The following ARMH4 variants were observed in gnomAD, a reference collection of about 807,000 sequenced individuals.
ARMH4 encodes the protein armadillo-like helical domain-containing protein 4.
ARMH4 carries 49 observed loss-of-function variants against 61.9 expected under a neutral mutation model. The observed-to-expected ratio is 0.79, with a 90% CI of 0.63 to 1.00. The LOEUF is 1.00. Among genes scored for constraint, ARMH4 ranks in the 50% least tolerant of loss-of-function variants. ARMH4 has a pLI of 0.00. For synonymous variants in ARMH4, 368 were observed against 341.5 expected (o/e 1.08, Z -0.85); for missense variants, 934 against 930.0 (o/e 1.00, Z -0.06).
chr14:58,055,861 G>A (rs1221758892), intron 5 of ARMH4, among the ~76,000 whole-genome samples: 1 of 152,198 alleles, frequency 6.6e-6, no homozygotes, highest in Non-Finnish European at 1.5e-5. Flanking sequence ...TTAATACACT[G>A]TTTTAAAGTG....
chr14:58,028,871 C>A (rs1883113286), intron 5 of ARMH4, among the ~76,000 whole-genome samples: 1 of 152,174 alleles, frequency 6.6e-6, no homozygotes, highest in African/African-American at 2.4e-5. Flanking sequence ...AACCAGAAAT[C>A]CAGGCTCAAC....
chr14:58,145,960 T>A (rs753955850), intron 1 of ARMH4, among the ~76,000 whole-genome samples: 4 of 152,250 alleles, frequency 2.6e-5, no homozygotes, highest in Non-Finnish European at 4.4e-5. Flanking sequence ...CCAGTATAGG[T>A]TCATGTAGTC....
chr14:58,097,709 TA>T (rs1885804458), intron 4 of ARMH4, among the ~76,000 whole-genome samples: 1 of 151,522 alleles, frequency 6.6e-6, no homozygotes, highest in Non-Finnish European at 1.5e-5. Context: ...TTTATTTATT[TA>T]TTTATTTATT....
intron 4 of ARMH4, among the ~76,000 whole-genome samples, chr14:58,124,291 T>C (rs919768112): frequency 1.4e-4 from 22 of 152,182 alleles, no homozygotes; most frequent in Admixed American, 6.5e-5. Context: ...TTTCTTTATA[T>C]GTCATAGAAA....
At chr14:58,052,081 C>T (rs757518628) in intron 5 of ARMH4, among the ~76,000 whole-genome samples, 10 of 152,128 alleles carry the variant, frequency 6.6e-5, no homozygotes, top group Admixed American at 4.6e-4. Flanking sequence ...CATCTCCCAA[C>T]CAGATTAGGC....
chr14:58,067,272 A>C (rs1884734394), intron 5 of ARMH4, among the ~76,000 whole-genome samples: 1 of 152,204 alleles, frequency 6.6e-6, no homozygotes, highest in Admixed American at 6.5e-5. Context: ...ATGTATTGAG[A>C]GTCTGTTACA....
At chr14:58,121,339 C>T (rs947431573) in intron 4 of ARMH4, among the ~76,000 whole-genome samples, 3 of 151,890 alleles carry the variant, frequency 2.0e-5, no homozygotes, top group Admixed American at 1.3e-4. Context: ...CAAGCAGTGC[C>T]GGACTGGCAA....
chr14:58,026,558 A>G (rs1021741818), intron 5 of ARMH4, among the ~76,000 whole-genome samples: 1 of 152,150 alleles, frequency 6.6e-6, no homozygotes, highest in African/African-American at 2.4e-5. Flanking sequence ...TTTTTAACAG[A>G]AAGTTTACTG....
At chr14:58,135,317 T>C (rs1887266933) in intron 2 of ARMH4, among the ~76,000 whole-genome samples, 1 of 152,212 alleles carries the variant, frequency 6.6e-6, no homozygotes, top group African/African-American at 2.4e-5. Flanking sequence ...TCATTGTCTT[T>C]CTGTACCTCT....
At chr14:58,045,274 A>C (rs1172880619) in intron 5 of ARMH4, among the ~76,000 whole-genome samples, 2 of 152,208 alleles carry the variant, frequency 1.3e-5, no homozygotes, top group Admixed American at 1.3e-4. Context: ...ATGGAATACT[A>C]TGCAGCCATA....
At chr14:58,015,483 G>A (rs1296326609) in intron 5 of ARMH4, among the ~76,000 whole-genome samples, 1 of 152,062 alleles carries the variant, frequency 6.6e-6, no homozygotes, top group African/African-American at 2.4e-5. Context: ...TGCTTCTCAG[G>A]TATCCGCCAG....
chr14:58,141,526 C>T (rs1274869593), intron 1 of ARMH4: 8 of 533,260 alleles, frequency 1.5e-5, no homozygotes, highest in Admixed American at 5.9e-5. Context: ...GCCTTCCCTC[C>T]GCCAGCTCGT....
At position 58,051,863 on chromosome 14, in the gene ARMH4, G is replaced by C. The variant is rs181469043; in HGVS notation, c.2090-39713C>G. Reference sequence around the variant, plus strand: ...GCTGCTTCCCCAACTGAGTTTCATAGAGCACTCTTTAAAAGACAGCTAGGC... The same window carrying C: ...GCTGCTTCCCCAACTGAGTTTCATACAGCACTCTTTAAAAGACAGCTAGGC... On this transcript the variant is annotated intron_variant, in intron 5 of 7. Transcript: ENST00000267485. Among the ~76,000 whole-genome samples, 632 of 152,224 alleles carry C rather than the reference G, an allele frequency of 4.2e-3. 4 individuals carry two copies. The highest frequency in any genetic ancestry group is 7.0e-3 in the Non-Finnish European group (474 of 68,014).
At chr14:58,010,542 GA>G (rs1180801378) in intron 6 of ARMH4, among the ~76,000 whole-genome samples, 3 of 151,778 alleles carry the variant, frequency 2.0e-5, no homozygotes, top group South Asian at 4.2e-4. Context: ...AAAATATGCT[GA>G]AAAAAATACT....
intron 5 of ARMH4, among the ~76,000 whole-genome samples, chr14:58,044,018 T>G (rs1365873657): frequency 1.3e-5 from 2 of 152,086 alleles, no homozygotes; most frequent in African/African-American, 4.8e-5. Context: ...AGAATCAATA[T>G]AGTGAAAATG....
At chr14:58,021,953 T>C (rs1471068670) in intron 5 of ARMH4, among the ~76,000 whole-genome samples, 1 of 152,172 alleles carries the variant, frequency 6.6e-6, no homozygotes, top group Admixed American at 6.5e-5. Flanking sequence ...AATACACTGG[T>C]ATAGTATAGT....
chr14:58,140,349 G>A (rs544090656), intron 1 of ARMH4, among the ~76,000 whole-genome samples: 1 of 149,834 alleles, frequency 6.7e-6, no homozygotes, highest in South Asian at 2.1e-4. Flanking sequence ...AGGAGGCCGA[G>A]GCCAGCAGAT....
intron 5 of ARMH4, among the ~76,000 whole-genome samples, chr14:58,043,256 A>G (rs1227338703): frequency 2.6e-5 from 4 of 152,170 alleles, no homozygotes; most frequent in Non-Finnish European, 4.4e-5. Flanking sequence ...CTTACCCACC[A>G]TGATCAAGTG....
intron 3 of ARMH4, among the ~76,000 whole-genome samples, chr14:58,132,844 C>T (rs1332263980): frequency 1.3e-5 from 2 of 152,124 alleles, no homozygotes; most frequent in African/African-American, 2.4e-5. Flanking sequence ...CTCAGCCTCC[C>T]AAAGTGCTGG....
Sources: gnomAD v4.1 joint callset for allele counts (sites outside exome capture counted in the v4.1 genomes callset) on GRCh38, gnomAD v4.1.1 for gene constraint, MANE v1.5 for transcripts, NCBI Gene and HGNC (gene_info 2026-07-23, HGNC 2026-07-21) for gene names.